C6orf136: variants seen among roughly 807,000 people sequenced by gnomAD.
C6orf136 encodes the protein uncharacterized protein C6orf136.
In C6orf136, 29 loss-of-function variants were observed where a neutral mutation model predicts 44.0. The observed-to-expected ratio is 0.66, with a 90% CI of 0.49 to 0.90. C6orf136 has a LOEUF of 0.90. Among genes scored for constraint, C6orf136 ranks in the 40% least tolerant of loss-of-function variants. C6orf136 has a pLI of 0.00. For synonymous variants in C6orf136, 293 were observed against 278.6 expected (o/e 1.05, Z -0.52); for missense variants, 628 against 669.3 (o/e 0.94, Z 0.68).
At chr6:30,649,013 GA>G (rs896817653) in intron 1 of C6orf136, among the ~76,000 whole-genome samples, 1 of 149,364 alleles carries the variant, frequency 6.7e-6, no homozygotes, top group Non-Finnish European at 1.5e-5. Context: ...CTCAAAAAAA[GA>G]AAAAAAAGTA....
At chr6:30,651,146 C>T (rs901284905) in intron 3 of C6orf136, 64 bp downstream of exon 3, 3 of 1,562,140 alleles carry the variant, frequency 1.9e-6, no homozygotes, top group South Asian at 2.2e-5. Flanking sequence ...ATACATGACC[C>T]TTTTCACTTC....
Position 30,649,558 on chromosome 6 carries a change from G to T in C6orf136, c.616G>T (p.Asp206Tyr). ...TCTCCCTTCTGTTCTTTCTCCTTAG[G>T]ACCAGCTTTATCCAGGGACTCTACC... is the stretch of plus-strand genomic sequence containing the variant. Reference protein sequence around the residue: ...GASRTPSGTEDQLYPGTLPFP... With the variant: ...GASRTPSGTEYQLYPGTLPFP... The change falls in exon 2 of 6, where the codon GAC becomes TAC. Residue 206 changes from aspartate (D) to tyrosine (Y), a missense_variant and splice_region_variant. Physicochemically the swap from Asp to Tyr is radical, Grantham distance 160. This residue lies in a region of C6orf136 where 497 missense variants were observed against 469.2 expected (regional missense o/e 1.06). Coordinates refer to ENST00000651131, the MANE Select transcript of C6orf136 (RefSeq NM_001161376.2). 6.3e-7 allele frequency: 1 copy of T among 1,579,530 alleles called. No homozygotes were observed. The highest frequency in any genetic ancestry group is 8.5e-7 in the Non-Finnish European group (1 of 1,171,404).
At chr6:30,649,537 C>T (rs1173656708) in intron 1 of C6orf136, 21 bp from the exon 2 acceptor site, 2 of 1,566,730 alleles carry the variant, frequency 1.3e-6, no homozygotes, top group African/African-American at 1.4e-5. Context: ...TATCTTTCTC[C>T]CTTCTGTTCT....
At position 30,647,289 on chromosome 6, in the gene C6orf136, C is replaced by A. The variant is rs780959695; in HGVS notation, c.58C>A (p.Gln20Lys). The change falls in exon 1 of 6, where the codon CAG becomes AAG. Residue 20 changes from glutamine to lysine, a missense_variant. Gln to Lys is a moderately conservative substitution (Grantham distance 53, BLOSUM62 1). Around this residue, in one of 2 missense-constraint regions of C6orf136, gnomAD observed 497 missense variants for 469.2 expected, o/e 1.06. Transcript: ENST00000651131. The surrounding 1 kb of genome is among the most constrained non-coding windows in gnomAD (Gnocchi z 4.8). Reference protein sequence around the residue: ...RRLGPCLRAYQARPQVSGGEE... With the variant: ...RRLGPCLRAYKARPQVSGGEE... Reference sequence around the variant, plus strand: ...TCTCGGCCCTTGCCTGCGCGCCTACCAGGCTCGACCCCAGGTGAGCGGAGG... The same window carrying A: ...TCTCGGCCCTTGCCTGCGCGCCTACAAGGCTCGACCCCAGGTGAGCGGAGG... The A allele has an allele frequency of 1.9e-6, 3 of 1,600,592 alleles. No homozygotes were observed. The Admixed American group carries it at 5.1e-5, about 27-fold the overall frequency.
intron 1 of C6orf136, among the ~76,000 whole-genome samples, chr6:30,649,165 C>T (rs946164889): frequency 7.9e-5 from 12 of 152,114 alleles, no homozygotes; most frequent in Admixed American, 5.9e-4. Context: ...GAGATGAAAA[C>T]CATCCTGGCT....
intron 1 of C6orf136, among the ~76,000 whole-genome samples, chr6:30,648,581 A>G (rs949682953): frequency 1.4e-4 from 21 of 151,516 alleles, no homozygotes; most frequent in South Asian, 2.1e-4. Context: ...TTGTATCTTT[A>G]GTAGAGATGG....
chr6:30,652,497 CAG>C, intron 4 of C6orf136, 149 bp from the exon 5 acceptor site: 2 of 729,562 alleles, frequency 2.7e-6, no homozygotes, highest in Non-Finnish European at 5.0e-6. Flanking sequence ...TTAATTGAGA[CAG>C]GGCACAACCT....
intron 1 of C6orf136, among the ~76,000 whole-genome samples, chr6:30,648,459 C>T (rs1767081264): frequency 6.7e-6 from 1 of 148,922 alleles, no homozygotes; most frequent in Non-Finnish European, 1.5e-5. Flanking sequence ...AGTGCATTGG[C>T]ACCATCTCGG....
Position 30,647,803 on chromosome 6 carries a change from C to G in C6orf136, c.572C>G (p.Ala191Gly), listed in dbSNP as rs1392692187. The G allele has an allele frequency of 1.3e-6, 2 of 1,536,066 alleles. No individual in the cohort carries two copies. Among genetic ancestry groups the G allele is most frequent in the Admixed American group, 4.0e-5 (2 of 50,124 alleles). Residue 191 changes from alanine to glycine, a missense_variant, in exon 1 of 6, where the codon GCC becomes GGC. Ala to Gly is a moderately conservative substitution (Grantham distance 60, BLOSUM62 0). This residue lies in a region of C6orf136 where 497 missense variants were observed against 469.2 expected (regional missense o/e 1.06). Transcript: ENST00000651131. The surrounding 1 kb of genome is among the most constrained non-coding windows in gnomAD (Gnocchi z 4.8). ...CGCCCGGGCTGGCAAGATGGCCACG[C>G]CCCCAGCAGAGACGGCGCCTCTAGG... ...PLRPGWQDGH[A>G]PSRDGASRTP...
intron 4 of C6orf136, 71 bp downstream of exon 4, chr6:30,651,537 C>CAAAA: frequency 6.9e-7 from 1 of 1,445,302 alleles, no homozygotes; most frequent in Non-Finnish European, 9.5e-7. Flanking sequence ...GACGGAGTCT[C>CAAAA]ACTCTGTCAC....
Position 30,651,222 on chromosome 6 carries a change from T to A in C6orf136, c.1107-44T>A, listed in dbSNP as rs1431911221. 3.1e-6 allele frequency: 5 copies of A among 1,610,540 alleles called. No homozygotes were observed. The South Asian group carries it at 5.5e-5, about 18-fold the overall frequency. On this transcript the variant is annotated intron_variant, in intron 3 of 5. Coordinates refer to ENST00000651131, the MANE Select transcript of C6orf136 (RefSeq NM_001161376.2). ...TTCCTTAGAAGCCAGTTTGGTTTTC[T>A]AATTCTGCCATCATGAGATTTCTTT...
In C6orf136 at chr6:30,647,843, C is replaced by T; in HGVS notation, c.612C>T (p.Thr204=). ...RDGASRTPSG[T]EDQLYPGTLP... is the part of the protein sequence containing the mutation. ...GCGCCTCTAGGACACCATCGGGGAC[C>T]GAGGTACCCGAGCGGTCCGCCCGCC... Residue 204 remains threonine, a synonymous_variant, in exon 1 of 6, where the codon ACC becomes ACT. Transcript: ENST00000651131. The surrounding 1 kb of genome is among the most constrained non-coding windows in gnomAD (Gnocchi z 4.8). The T allele has an allele frequency of 2.7e-6, 4 of 1,480,698 alleles. No homozygotes were observed. Among genetic ancestry groups the T allele is most frequent in the Non-Finnish European group, 2.7e-6 (3 of 1,116,146 alleles). The allele number at this position is 1,480,698 out of a possible 1,614,324, so 91.7% of individuals were successfully genotyped here. A position where few individuals can be genotyped will look rare whatever the true frequency, so the allele number is the denominator to read the frequency against.
In C6orf136 at chr6:30,647,579, C is replaced by T; in HGVS notation, c.348C>T (p.Pro116=). ...CAGCGGGGCGCGTCTGCGTTGCGCCCGACTCTCCGCGGTTACCTGTGCCTA... is the reference window on the plus strand; with the variant it reads ...CAGCGGGGCGCGTCTGCGTTGCGCCTGACTCTCCGCGGTTACCTGTGCCTA... ...GQAAGRVCVA[P]DSPRLPVPRG... is the part of the protein sequence containing the mutation. The change falls in exon 1 of 6, where the codon CCC becomes CCT. Residue 116 remains proline (P), a synonymous_variant. Transcript: ENST00000651131. This position sits in a 1 kb window ranked among gnomAD's most constrained non-coding sequence, Gnocchi z 4.8. 1 of 1,537,530 alleles carries T rather than the reference C, an allele frequency of 6.5e-7. No individual in the cohort carries two copies. The highest frequency in any genetic ancestry group is 8.8e-7 in the Non-Finnish European group (1 of 1,137,046).
chr6:30,652,518 AG>A, intron 4 of C6orf136, 129 bp from the exon 5 acceptor site: 2 of 806,396 alleles, frequency 2.5e-6, no homozygotes, highest in Non-Finnish European at 4.4e-6. Context: ...CTAAGCACTG[AG>A]ATGTTTGTAA....
chr6:30,651,139 C>T, intron 3 of C6orf136, 57 bp downstream of exon 3: 2 of 1,559,934 alleles, frequency 1.3e-6, no homozygotes, highest in Non-Finnish European at 1.8e-6. Flanking sequence ...AAGGTATATA[C>T]ATGACCCTTT....
rs550293871 is a variant in C6orf136, at chr6:30,647,911, G to A, written c.615+65G>A. On this transcript the variant is annotated intron_variant, in intron 1 of 5. Coordinates refer to ENST00000651131, the MANE Select transcript of C6orf136 (RefSeq NM_001161376.2). The surrounding 1 kb of genome is among the most constrained non-coding windows in gnomAD (Gnocchi z 4.8). ...ATCCCCTGGGGGGTTCCTTGGGAGCGGAGGGACTCGGGTGAGGCCTAACTT... is the reference window on the plus strand; with the variant it reads ...ATCCCCTGGGGGGTTCCTTGGGAGCAGAGGGACTCGGGTGAGGCCTAACTT... 157 of 1,423,838 alleles carry A rather than the reference G, an allele frequency of 1.1e-4. No individual in the cohort carries two copies. The African/African-American group carries it at 2.2e-3, about 19-fold the overall frequency. 88.2% of individuals were successfully genotyped at this position (1,423,838 alleles called of 1,614,324 possible).
chr6:30,647,229 A>T lies in C6orf136; in HGVS notation c.-3A>T. On this transcript the variant is annotated 5_prime_UTR_variant, in exon 1 of 6. Transcript: ENST00000651131. The surrounding 1 kb of genome is among the most constrained non-coding windows in gnomAD (Gnocchi z 4.8). Reference sequence around the variant, plus strand: ...GAGGCTCCTTCTCCACTCCCGGAAGATCATGTACCAGCCCAGCCGGGGTGC... The same window carrying T: ...GAGGCTCCTTCTCCACTCCCGGAAGTTCATGTACCAGCCCAGCCGGGGTGC... The T allele has an allele frequency of 1.3e-6, 2 of 1,587,566 alleles. No individual in the cohort carries two copies. The highest frequency in any genetic ancestry group is 1.7e-6 in the Non-Finnish European group (2 of 1,171,038).
Position 30,647,415 on chromosome 6 carries a change from C to CCAT in C6orf136, c.185_186insATC (p.Pro62_Pro63insSer). 3 of 1,467,500 alleles carry CCAT rather than the reference C, an allele frequency of 2.0e-6. No homozygotes were observed. The highest frequency in any genetic ancestry group is 9.0e-7 in the Non-Finnish European group (1 of 1,107,658). The allele number at this position is 1,467,500 out of a possible 1,614,324, so 90.9% of individuals were successfully genotyped here. A position where few individuals can be genotyped will look rare whatever the true frequency, so the allele number is the denominator to read the frequency against. ...TTCCGCGCAGGCGCAGAGACACCCG[C>CCAT]CGCCCCTTCCCACCTGTGCCCTGCA... On this transcript the variant is annotated inframe_insertion, in exon 1 of 6. Transcript: ENST00000651131. The surrounding 1 kb of genome is among the most constrained non-coding windows in gnomAD (Gnocchi z 4.8).
chr6:30,651,422 G>C lies in C6orf136; in HGVS notation c.1263G>C (p.Leu421Phe). 1 of 1,612,264 alleles carries C rather than the reference G, an allele frequency of 6.2e-7. No homozygotes were observed. Among genetic ancestry groups the C allele is most frequent in the Non-Finnish European group, 8.5e-7 (1 of 1,180,026 alleles). Residue 421 changes from leucine to phenylalanine, a missense_variant, in exon 4 of 6, where the codon TTG becomes TTC. Leu to Phe is a conservative substitution (Grantham distance 22, BLOSUM62 0). This residue lies in a region of C6orf136 where 131 missense variants were observed against 200.1 expected (regional missense o/e 0.65). Transcript: ENST00000651131. ...GGCTTGTGGGGCTGCCCGTCCACTTGCTCTTTTTGCGGTTCTACAAGCGTG... is the reference window on the plus strand; with the variant it reads ...GGCTTGTGGGGCTGCCCGTCCACTTCCTCTTTTTGCGGTTCTACAAGCGTG... ...RWRLVGLPVH[L>F]LFLRFYKRDK...
Sources: allele counts gnomAD v4.1 joint callset (sites outside exome capture counted in the v4.1 genomes callset), GRCh38; gene constraint gnomAD v4.1.1; regional missense constraint gnomAD v4.1.1; non-coding constraint Gnocchi (gnomAD v3.1); transcripts MANE v1.5; gene names NCBI Gene and HGNC (gene_info 2026-07-23, HGNC 2026-07-21).